The following DYRK1A variants were observed in gnomAD, a reference collection of about 807,000 sequenced individuals.
The protein encoded by DYRK1A is dual specificity tyrosine-phosphorylation-regulated kinase 1A.
In DYRK1A, 9 loss-of-function variants were observed where a neutral mutation model predicts 79.7. The observed-to-expected ratio is 0.11, with a 90% CI of 0.07 to 0.20. The LOEUF (loss-of-function observed/expected upper bound fraction) is 0.20. Among genes scored for constraint, DYRK1A ranks in the 10% least tolerant of loss-of-function variants. The pLI, the probability that DYRK1A is intolerant of heterozygous loss-of-function variation, is 1.00. For synonymous variants in DYRK1A, 349 were observed against 329.7 expected, an observed-to-expected ratio of 1.06 and a Z score of -0.63; for missense variants, 622 against 956.0, an observed-to-expected ratio of 0.65 and a Z score of 4.61.
At chr21:37,443,561 G>A (rs2051174591) in intron 2 of DYRK1A, among the ~76,000 whole-genome samples, 1 of 152,152 alleles carries the variant, frequency 6.6e-6, no homozygotes, top group Non-Finnish European at 1.5e-5. Context: ...TTTGATCTTT[G>A]AGTCTTACTT....
rs189343386 is a variant in DYRK1A, at chr21:37,445,290, G to A, written c.10+24906G>A. Among the ~76,000 whole-genome samples, 446 of 152,278 alleles carry A rather than the reference G, an allele frequency of 2.9e-3. 7 individuals are homozygous for A. The highest frequency in any genetic ancestry group is 1.0e-3 in the Non-Finnish European group (68 of 68,028). On this transcript the variant is annotated intron_variant, in intron 2 of 11. Transcript: ENST00000647188. ...AATTCAACAAAACAGAATGCACACC[G>A]GAAAGTAATGGAACTATTTGTGATC...
In DYRK1A at chr21:37,506,194, G is replaced by C; in HGVS notation, c.1615G>C (p.Ala539Pro). ...SGGHFTAAVQ[A>P]MDCETHSPQV... ...TGGGCACTTCACAGCTGCCGTGCAG[G>C]CCATGGACTGCGAGACACACAGTCC... The change falls in exon 11 of 12, where the codon GCC (alanine) becomes CCC (proline). Residue 539 changes from alanine to proline, a missense_variant. This residue lies in a region of DYRK1A where 292 missense variants were observed against 316.7 expected (regional missense o/e 0.92). Coordinates refer to ENST00000647188, the MANE Select transcript of DYRK1A (RefSeq NM_001347721.2). The C allele has an allele frequency of 6.2e-7, 1 of 1,614,156 alleles. No individual in the cohort carries two copies.
chr21:37,394,209 TTC>T (rs2049919567), intron 1 of DYRK1A, among the ~76,000 whole-genome samples: 1 of 146,432 alleles, frequency 6.8e-6, no homozygotes, highest in Non-Finnish European at 1.5e-5. Context: ...AGTGGTGTAT[TTC>T]TTTTTTTTTA....
rs182020062 is a variant in DYRK1A, at chr21:37,390,922, C to T, written c.-77+23294C>T. ...TAGAACAGTTTCTTACCTGTTCTTT[C>T]TTTTGTGATGTTGATATTTTTGAGG... is the stretch of plus-strand genomic sequence containing the variant. On this transcript the variant is annotated intron_variant, in intron 1 of 11. Coordinates refer to ENST00000647188, the MANE Select transcript of DYRK1A (RefSeq NM_001347721.2). Among the ~76,000 whole-genome samples the T allele has an allele frequency of 8.5e-5, 13 of 152,226 alleles. No homozygotes were observed. The East Asian group carries it at 2.5e-3, about 29-fold the overall frequency.
upstream of DYRK1A, among the ~76,000 whole-genome samples, chr21:37,366,349 C>G (rs2049303209): frequency 6.9e-6 from 1 of 144,930 alleles, no homozygotes; most frequent in South Asian, 2.1e-4. Context: ...GGCGCTAGGG[C>G]TGCGGGGGCG....
At chr21:37,438,810 T>C (rs1359242253) in intron 2 of DYRK1A, among the ~76,000 whole-genome samples, 1 of 152,212 alleles carries the variant, frequency 6.6e-6, no homozygotes, top group Non-Finnish European at 1.5e-5. Flanking sequence ...TCTAGGTCTT[T>C]TGCATTTTCA....
At chr21:37,385,343 A>T (rs960890081) in intron 1 of DYRK1A, among the ~76,000 whole-genome samples, 3 of 152,188 alleles carry the variant, frequency 2.0e-5, no homozygotes, top group African/African-American at 7.2e-5. Context: ...CTGTGGTCTC[A>T]TTTGAGACTT....
At chr21:37,371,884 C>T (rs950780412) in intron 1 of DYRK1A, among the ~76,000 whole-genome samples, 8 of 152,136 alleles carry the variant, frequency 5.3e-5, no homozygotes, top group African/African-American at 1.9e-4. Context: ...AAATAACCCC[C>T]TAATTTTTCT....
At chr21:37,483,724 AG>A (rs1441655963) in intron 5 of DYRK1A, among the ~76,000 whole-genome samples, 1 of 152,120 alleles carries the variant, frequency 6.6e-6, no homozygotes, top group Non-Finnish European at 1.5e-5. Context: ...CTGGGACTAC[AG>A]GCACGTGCCA....
chr21:37,456,509 A>T (rs951450668), intron 2 of DYRK1A, among the ~76,000 whole-genome samples: 1 of 152,182 alleles, frequency 6.6e-6, no homozygotes, highest in African/African-American at 2.4e-5. Flanking sequence ...GTTTGGAAAG[A>T]ACGTCCTCGA....
chr21:37,372,841 T>C (rs1424656444), intron 1 of DYRK1A, among the ~76,000 whole-genome samples: 2 of 152,186 alleles, frequency 1.3e-5, no homozygotes, highest in Non-Finnish European at 2.9e-5. Context: ...AACCAGGTAG[T>C]CTTCCTTGGC....
chr21:37,395,757 T>C (rs2049949713), intron 1 of DYRK1A, among the ~76,000 whole-genome samples: 1 of 152,156 alleles, frequency 6.6e-6, no homozygotes, highest in African/African-American at 2.4e-5. Flanking sequence ...TTTAATGGAT[T>C]AAAAAGAAAA....
chr21:37,463,302 A>G (rs1305338681), intron 2 of DYRK1A, among the ~76,000 whole-genome samples: 3 of 151,486 alleles, frequency 2.0e-5, no homozygotes, highest in African/African-American at 4.9e-5. Flanking sequence ...TTATTGGCTC[A>G]CTGTTACTAA....
At chr21:37,446,770 C>G (rs758273896) in intron 2 of DYRK1A, among the ~76,000 whole-genome samples, 51 of 152,214 alleles carry the variant, frequency 3.4e-4, no homozygotes, top group Non-Finnish European at 6.8e-4. Flanking sequence ...ATGGACTTTT[C>G]TGTTTATCAT....
At position 37,513,208 on chromosome 21, in the gene DYRK1A, A is replaced by G. The variant is rs1447903725; in HGVS notation, c.*677A>G. The G allele has an allele frequency of 6.5e-6, 1 of 152,730 alleles. No homozygotes were observed. Among genetic ancestry groups the G allele is most frequent in the Non-Finnish European group, 1.5e-5 (1 of 68,146 alleles). 9.5% of individuals were successfully genotyped at this position (152,730 alleles called of 1,614,324 possible). Reference sequence around the variant, plus strand: ...CCTACTGAGGAGCAAAGCAGCAATTACATGGGATCCTGTGGCTCTCCCGTT... The same window carrying G: ...CCTACTGAGGAGCAAAGCAGCAATTGCATGGGATCCTGTGGCTCTCCCGTT... On this transcript the variant is annotated 3_prime_UTR_variant, in exon 12 of 12. Transcript: ENST00000647188.
intron 1 of DYRK1A, among the ~76,000 whole-genome samples, chr21:37,376,861 T>C (rs1342499836): frequency 6.6e-6 from 1 of 152,174 alleles, no homozygotes; most frequent in East Asian, 1.9e-4. Flanking sequence ...TAGCAGATCA[T>C]TTCCCCCTTC....
At chr21:37,496,713 A>AT (rs144895983) in intron 9 of DYRK1A, among the ~76,000 whole-genome samples, 7,986 of 151,904 alleles carry the variant, frequency 0.053, 744 homozygotes, top group African/African-American at 0.18. Context: ...GTAGTATGTG[A>AT]TTTTTTTCCA....
chr21:37,489,396 TGAGTATTCAGCCTTTTTAGA>T (rs1281412779), intron 6 of DYRK1A, among the ~76,000 whole-genome samples: 1 of 152,114 alleles, frequency 6.6e-6, no homozygotes, highest in Non-Finnish European at 1.5e-5. Context: ...GGCAATTTAG[TGAGTATTCAGCCTTTTTAGA>T]GGGTCAACAG....
chr21:37,382,472 T>C (rs1046939500), intron 1 of DYRK1A, among the ~76,000 whole-genome samples: 1 of 152,136 alleles, frequency 6.6e-6, no homozygotes, highest in Non-Finnish European at 1.5e-5. Context: ...TTTCTTGAAC[T>C]TAGTTTTGGT....
Sources: allele counts gnomAD v4.1 joint callset (sites outside exome capture counted in the v4.1 genomes callset), GRCh38; gene constraint gnomAD v4.1.1; regional missense constraint gnomAD v4.1.1; transcripts MANE v1.5; gene names NCBI Gene and HGNC (gene_info 2026-07-23, HGNC 2026-07-21).